The following DOCK2 variants were observed in gnomAD, a reference collection of about 807,000 sequenced individuals.
DOCK2 encodes dedicator of cytokinesis 2, also known as dedicator of cytokinesis protein 2.
In DOCK2, 87 loss-of-function variants were observed where a neutral mutation model predicts 248.9. That is an observed-to-expected ratio of 0.35 (90% CI 0.29 to 0.42). DOCK2 has a LOEUF of 0.42. DOCK2 is among the 10% of genes least tolerant of loss of function. The pLI is 1.00. For missense variants in DOCK2, 1,747 were observed against 2,300.2 expected (o/e 0.76, Z 4.92); for synonymous variants, 805 against 821.6 (o/e 0.98, Z 0.35).
intron 44 of DOCK2, among the ~76,000 whole-genome samples, chr5:170,063,837 C>T (rs192338395): frequency 1.8e-4 from 28 of 152,312 alleles, no homozygotes; most frequent in Admixed American, 1.1e-3. Flanking sequence ...GCAGAGGGTG[C>T]GGCCTGAACC....
chr5:169,781,051 C>T (rs1765685079), intron 25 of DOCK2, among the ~76,000 whole-genome samples: 1 of 152,208 alleles, frequency 6.6e-6, no homozygotes, highest in South Asian at 2.1e-4. Flanking sequence ...GCTGGCATCT[C>T]AGGGTGCCGG....
chr5:169,870,749 T>C (rs1311872017), intron 27 of DOCK2, among the ~76,000 whole-genome samples: 1 of 152,164 alleles, frequency 6.6e-6, no homozygotes, highest in East Asian at 1.9e-4. Context: ...TTTATCCTCA[T>C]GATAGCCCAG....
intron 27 of DOCK2, among the ~76,000 whole-genome samples, chr5:169,899,742 C>T (rs1186554049): frequency 6.6e-6 from 1 of 152,180 alleles, no homozygotes; most frequent in African/African-American, 2.4e-5. Context: ...TCCTTGTTGG[C>T]ATACAAAGAC....
chr5:169,792,028 T>C (rs1281963653), intron 25 of DOCK2, among the ~76,000 whole-genome samples: 1 of 152,122 alleles, frequency 6.6e-6, no homozygotes, highest in African/African-American at 2.4e-5. Flanking sequence ...TAAGTAGAGA[T>C]TGAGAGTCAT....
chr5:170,055,283 T>C (rs1420614049), intron 41 of DOCK2, 22 bp from the exon 42 acceptor site: 1 of 1,612,488 alleles, frequency 6.2e-7, no homozygotes, highest in South Asian at 1.1e-5. Context: ...CAGATATAAG[T>C]CCTTAACTAC....
intron 27 of DOCK2, among the ~76,000 whole-genome samples, chr5:169,966,859 G>A (rs368290183): frequency 6.6e-6 from 1 of 152,114 alleles, no homozygotes; most frequent in African/African-American, 2.4e-5. Flanking sequence ...ATCAGACTTT[G>A]GTCTAATGTT....
At chr5:169,661,302 T>G (rs1238909280) in intron 2 of DOCK2, among the ~76,000 whole-genome samples, 1 of 152,190 alleles carries the variant, frequency 6.6e-6, no homozygotes, top group East Asian at 1.9e-4. Flanking sequence ...GAGCTCATAC[T>G]CTTTAAAAAT....
At chr5:170,062,398 G>A (rs1442787149) in intron 44 of DOCK2, among the ~76,000 whole-genome samples, 1 of 152,096 alleles carries the variant, frequency 6.6e-6, no homozygotes, top group Non-Finnish European at 1.5e-5. Context: ...CAGAGATGAA[G>A]TGAGGGACTT....
chr5:169,796,801 G>A (rs1429216719), intron 25 of DOCK2, among the ~76,000 whole-genome samples: 1 of 152,182 alleles, frequency 6.6e-6, no homozygotes, highest in African/African-American at 2.4e-5. Context: ...TCTAGGCAAA[G>A]AAAATAACAT....
rs573517852 is a variant in DOCK2 at position 169,935,665 on chromosome 5, C to T, written c.2800-47403C>T. On this transcript the variant is annotated intron_variant, in intron 27 of 51. Coordinates refer to ENST00000520908, the MANE Select transcript of DOCK2 (RefSeq NM_004946.3). Reference sequence around the variant, plus strand: ...GAGGTGGTGATGAACGTTGCCGATGCGGTGAAGTCATCCTTCATCACTGTG... The same window carrying T: ...GAGGTGGTGATGAACGTTGCCGATGTGGTGAAGTCATCCTTCATCACTGTG... Among the ~76,000 whole-genome samples, 487 of 152,280 alleles carry T rather than the reference C, an allele frequency of 3.2e-3. 4 individuals are homozygous for T. Among genetic ancestry groups the T allele is most frequent in the Non-Finnish European group, 5.2e-3 (356 of 68,022 alleles).
At chr5:169,680,880 A>G (rs1759620420) in intron 6 of DOCK2, among the ~76,000 whole-genome samples, 1 of 152,096 alleles carries the variant, frequency 6.6e-6, no homozygotes, top group African/African-American at 2.4e-5. Context: ...GCTTATTCTT[A>G]TACATGAACC....
At chr5:170,018,089 G>A (rs921789802) in intron 32 of DOCK2, among the ~76,000 whole-genome samples, 6 of 152,110 alleles carry the variant, frequency 3.9e-5, no homozygotes, top group African/African-American at 1.2e-4. Context: ...TTAATCAAAC[G>A]ATTCGACATA....
chr5:169,746,484 G>A (rs1763621595), intron 22 of DOCK2, among the ~76,000 whole-genome samples: 1 of 152,228 alleles, frequency 6.6e-6, no homozygotes, highest in South Asian at 2.1e-4. Flanking sequence ...TTTTGAGCGT[G>A]TAGGGCTGTG....
intron 20 of DOCK2, among the ~76,000 whole-genome samples, chr5:169,716,908 G>A (rs1050752526): frequency 1.3e-5 from 2 of 152,150 alleles, no homozygotes; most frequent in African/African-American, 4.8e-5. Flanking sequence ...CTTGTGTCAT[G>A]GATATTTGCA....
At chr5:169,648,608 G>A (rs1232300195) in intron 1 of DOCK2, among the ~76,000 whole-genome samples, 1 of 152,150 alleles carries the variant, frequency 6.6e-6, no homozygotes, top group Non-Finnish European at 1.5e-5. Context: ...CAGCCTGTCT[G>A]GGGTGAAATC....
intron 27 of DOCK2, among the ~76,000 whole-genome samples, chr5:169,925,401 G>A (rs1775385061): frequency 6.6e-6 from 1 of 152,040 alleles, no homozygotes; most frequent in Non-Finnish European, 1.5e-5. Context: ...CCAACATGGT[G>A]AAACCCCATC....
intron 2 of DOCK2, among the ~76,000 whole-genome samples, chr5:169,656,616 G>A (rs1758136610): frequency 6.6e-6 from 1 of 152,180 alleles, no homozygotes. Flanking sequence ...CCTGGCCCCA[G>A]TGGCTCTTTT....
At chr5:169,645,868 C>T (rs1276343084) in intron 1 of DOCK2, among the ~76,000 whole-genome samples, 1 of 152,148 alleles carries the variant, frequency 6.6e-6, no homozygotes, top group Non-Finnish European at 1.5e-5. Context: ...CTGCCTCAGC[C>T]TCCCGAGTAG....
chr5:169,888,484 A>C (rs950429815), intron 27 of DOCK2, among the ~76,000 whole-genome samples: 4 of 152,220 alleles, frequency 2.6e-5, no homozygotes, highest in African/African-American at 9.7e-5. Context: ...CCTTTGGCCC[A>C]CAGCAAATGG....
Sources: gnomAD v4.1 joint callset for allele counts (sites outside exome capture counted in the v4.1 genomes callset) on GRCh38, gnomAD v4.1.1 for gene constraint, MANE v1.5 for transcripts, NCBI Gene and HGNC (gene_info 2026-07-23, HGNC 2026-07-21) for gene names.